Variants in RUNX1 observed in about 807,000 individuals in gnomAD.
The protein encoded by RUNX1 is runt-related transcription factor 1.
RUNX1 carries 19 observed loss-of-function variants against 42.8 expected under a neutral mutation model. The observed-to-expected ratio is 0.44, with a 90% CI of 0.31 to 0.65. The LOEUF (loss-of-function observed/expected upper bound fraction) is 0.65, where lower values mean the gene tolerates loss of function less well. Among genes scored for constraint, RUNX1 ranks in the 30% least tolerant of loss-of-function variants. The pLI is 0.07. For synonymous variants in RUNX1, 271 were observed against 289.4 expected (o/e 0.94, Z 0.64); for missense variants, 528 against 672.0 (o/e 0.79, Z 2.37).
At chr21:35,007,850 C>A (rs950199809) in intron 2 of RUNX1, among the ~76,000 whole-genome samples, 15 of 152,268 alleles carry the variant, frequency 9.9e-5, no homozygotes, top group African/African-American at 3.4e-4. Context: ...TAATCCAGAA[C>A]TATTTCATGT....
At chr21:34,842,024 A>G (rs1214202746) in intron 6 of RUNX1, among the ~76,000 whole-genome samples, 2 of 144,026 alleles carry the variant, frequency 1.4e-5, no homozygotes, top group Admixed American at 1.4e-4. Context: ...ATGAATGAGT[A>G]CTCAGGTCCT....
intron 2 of RUNX1, among the ~76,000 whole-genome samples, chr21:34,989,268 C>G (rs565246803): frequency 6.6e-6 from 1 of 152,038 alleles, no homozygotes; most frequent in Non-Finnish European, 1.5e-5. Flanking sequence ...CTCTGCCTCC[C>G]AAAGTGCTGG....
chr21:34,995,335 A>G (rs1289729536), intron 2 of RUNX1, among the ~76,000 whole-genome samples: 1 of 152,096 alleles, frequency 6.6e-6, no homozygotes, highest in East Asian at 1.9e-4. Context: ...TAAAATGAGT[A>G]ATCCATTAAA....
At chr21:34,981,911 A>G (rs2058849189) in intron 2 of RUNX1, among the ~76,000 whole-genome samples, 1 of 152,154 alleles carries the variant, frequency 6.6e-6, no homozygotes, top group Non-Finnish European at 1.5e-5. Flanking sequence ...CCCCCTCAAC[A>G]AATCTCTCTT....
At chr21:34,994,938 C>A (rs1488683852) in intron 2 of RUNX1, among the ~76,000 whole-genome samples, 1 of 152,230 alleles carries the variant, frequency 6.6e-6, no homozygotes, top group Non-Finnish European at 1.5e-5. Context: ...CTGGCTGGAA[C>A]CGCAACGCCA....
intron 3 of RUNX1, 139 bp from the exon 4 acceptor site, chr21:34,887,235 CGGGGGGTGGG>C: frequency 3.0e-6 from 1 of 335,706 alleles, no homozygotes; most frequent in Admixed American, 1.0e-3. Context: ...TTTATTACTG[CGGGGGGTGGG>C]GGGGGGCGGG....
intron 3 of RUNX1, among the ~76,000 whole-genome samples, chr21:34,890,061 G>C (rs2146439676): frequency 6.6e-6 from 1 of 152,248 alleles, no homozygotes; most frequent in South Asian, 2.1e-4. Context: ...AGGGTGCTGT[G>C]GCCGCTGCCG....
At chr21:34,859,354 C>T (rs765147112) in intron 6 of RUNX1, 120 bp downstream of exon 6, 2 of 845,582 alleles carry the variant, frequency 2.4e-6, no homozygotes, top group Non-Finnish European at 4.1e-6. Flanking sequence ...TTTACGGGGG[C>T]CTGACATCCC....
At chr21:34,869,203 C>T (rs1231090125) in intron 5 of RUNX1, among the ~76,000 whole-genome samples, 4 of 152,142 alleles carry the variant, frequency 2.6e-5, no homozygotes, top group Admixed American at 6.6e-5. Context: ...CAGGGATTCT[C>T]GCTGTAGAAG....
chr21:35,046,629 AATG>A (rs1252878648), intron 2 of RUNX1, among the ~76,000 whole-genome samples: 10 of 152,140 alleles, frequency 6.6e-5, no homozygotes, highest in African/African-American at 2.2e-4. Context: ...TATCAAAAGA[AATG>A]ATATTTTGCT....
At chr21:34,918,470 A>G (rs1287370876) in intron 2 of RUNX1, among the ~76,000 whole-genome samples, 1 of 152,188 alleles carries the variant, frequency 6.6e-6, no homozygotes, top group Non-Finnish European at 1.5e-5. Flanking sequence ...TTAACAGATT[A>G]TTTTAGTTTT....
At chr21:34,997,128 G>A (rs2059002295) in intron 2 of RUNX1, among the ~76,000 whole-genome samples, 2 of 152,242 alleles carry the variant, frequency 1.3e-5, no homozygotes, top group Non-Finnish European at 2.9e-5. Context: ...ATCATTATGT[G>A]ATGGGCTTAA....
At chr21:34,831,480 G>A (rs2057063420) in intron 7 of RUNX1, among the ~76,000 whole-genome samples, 1 of 152,334 alleles carries the variant, frequency 6.6e-6, no homozygotes, top group Non-Finnish European at 1.5e-5. Context: ...AGTCAGAGGA[G>A]CTGGCATAAC....
At chr21:34,936,887 A>C (rs2058489950) in intron 2 of RUNX1, among the ~76,000 whole-genome samples, 1 of 152,164 alleles carries the variant, frequency 6.6e-6, no homozygotes, top group South Asian at 2.1e-4. Context: ...CCAGACTATA[A>C]TTTATGGTGG....
intron 2 of RUNX1, among the ~76,000 whole-genome samples, chr21:34,959,659 C>T (rs1486389098): frequency 6.6e-5 from 10 of 152,106 alleles, no homozygotes; most frequent in East Asian, 1.9e-4. Context: ...GCATCTCATC[C>T]GGGTTGGGAT....
chr21:34,811,831 AAC>A (rs2056762714), intron 7 of RUNX1, among the ~76,000 whole-genome samples: 1 of 152,044 alleles, frequency 6.6e-6, no homozygotes. Context: ...TTCATTCCTA[AAC>A]ACAGTGTCCT....
intron 2 of RUNX1, among the ~76,000 whole-genome samples, chr21:34,972,388 T>C (rs1248906404): frequency 6.6e-6 from 1 of 152,232 alleles, no homozygotes; most frequent in Non-Finnish European, 1.5e-5. Flanking sequence ...AAATTATTTA[T>C]ATCTCTGGCC....
intron 3 of RUNX1, among the ~76,000 whole-genome samples, chr21:34,889,435 CACTT>C (rs1372045660): frequency 6.6e-6 from 1 of 152,144 alleles, no homozygotes; most frequent in African/African-American, 2.4e-5. Context: ...CCGCGCGTCT[CACTT>C]GCTGCGTGCG....
chr21:34,913,139 G>C (rs145162505), intron 2 of RUNX1, among the ~76,000 whole-genome samples: 1 of 152,264 alleles, frequency 6.6e-6, no homozygotes, highest in Non-Finnish European at 1.5e-5. Context: ...GGGTGAAGCA[G>C]GAAGAATTGC....
Sources: gnomAD v4.1 joint callset for allele counts (sites outside exome capture counted in the v4.1 genomes callset) on GRCh38, gnomAD v4.1.1 for gene constraint, MANE v1.5 for transcripts, NCBI Gene and HGNC (gene_info 2026-07-23, HGNC 2026-07-21) for gene names.